CCDC192: variants seen among roughly 807,000 people sequenced by gnomAD.
CCDC192 encodes coiled-coil domain-containing protein 192.
chr5:127,910,855 C>G (rs572961747), intron 6 of CCDC192, among the ~76,000 whole-genome samples: 1 of 152,200 alleles, frequency 6.6e-6, no homozygotes, highest in Admixed American at 6.5e-5. Context: ...GAGAGAGAAG[C>G]ATATTTCCTT....
intron 6 of CCDC192, among the ~76,000 whole-genome samples, chr5:127,886,590 A>G (rs1752567607): frequency 6.6e-6 from 1 of 152,242 alleles, no homozygotes; most frequent in Admixed American, 6.5e-5. Context: ...TTTTCTGAAT[A>G]ACATTTTCTT....
At chr5:127,887,114 G>A (rs1288268406) in intron 6 of CCDC192, among the ~76,000 whole-genome samples, 2 of 152,004 alleles carry the variant, frequency 1.3e-5, no homozygotes, top group African/African-American at 4.8e-5. Flanking sequence ...GATCACTTGA[G>A]GTAGGGAGTT....
At chr5:127,857,182 C>A (rs543056581) in intron 5 of CCDC192, among the ~76,000 whole-genome samples, 9 of 152,324 alleles carry the variant, frequency 5.9e-5, no homozygotes, top group South Asian at 2.1e-4. Context: ...TAACACCCCA[C>A]CTCACATGAA....
At chr5:127,905,687 T>C in intron 6 of CCDC192, among the ~76,000 whole-genome samples, 1 of 152,202 alleles carries the variant, frequency 6.6e-6, no homozygotes, top group East Asian at 1.9e-4. Context: ...AGCCTATGTT[T>C]CTTTTCTAAG....
rs183483632 is a variant in CCDC192, at chr5:127,824,599, A to G, written c.411+26437A>G. 2.8e-3 allele frequency among the ~76,000 whole-genome samples: 428 copies of G among 152,350 alleles called. 1 individual carries two copies. The highest frequency in any genetic ancestry group is 9.0e-3 in the African/African-American group (374 of 41,586). ...CATGGAATTTCACAGACCCAAGGAT[A>G]GAGATACAGCTGGGAAGATTTTGGA... On this transcript the variant is annotated intron_variant, in intron 5 of 6. Transcript: ENST00000514853.
intron 2 of CCDC192, among the ~76,000 whole-genome samples, chr5:127,710,305 A>G (rs1751249341): frequency 6.6e-6 from 1 of 152,164 alleles, no homozygotes; most frequent in Admixed American, 6.5e-5. Flanking sequence ...GCTGTGAACC[A>G]TGAGGAACCG....
At chr5:127,746,531 A>G (rs1391267319) in intron 2 of CCDC192, among the ~76,000 whole-genome samples, 9 of 152,166 alleles carry the variant, frequency 5.9e-5, no homozygotes, top group Non-Finnish European at 1.0e-4. Flanking sequence ...TGGCCTCATG[A>G]CAATTCCCCA....
chr5:127,780,461 T>TCTA (rs1756145563), intron 3 of CCDC192, among the ~76,000 whole-genome samples: 1 of 152,222 alleles, frequency 6.6e-6, no homozygotes, highest in Non-Finnish European at 1.5e-5. Flanking sequence ...TGTTCCCTGA[T>TCTA]CACTGCATCC....
At chr5:127,734,693 T>C (rs1752864861) in intron 2 of CCDC192, among the ~76,000 whole-genome samples, 1 of 147,168 alleles carries the variant, frequency 6.8e-6, no homozygotes, top group African/African-American at 2.5e-5. Flanking sequence ...GTGAGCATTT[T>C]TTCATGTGTT....
chr5:127,867,156 G>A (rs1580772044), intron 5 of CCDC192, among the ~76,000 whole-genome samples: 5 of 152,262 alleles, frequency 3.3e-5, no homozygotes, highest in Admixed American at 3.3e-4. Flanking sequence ...CTCTAAAGGT[G>A]AATTAAGTAC....
intron 2 of CCDC192, among the ~76,000 whole-genome samples, chr5:127,744,090 T>G: frequency 9.0e-6 from 1 of 110,848 alleles, no homozygotes; most frequent in Non-Finnish European, 1.8e-5. Flanking sequence ...CGAGACTCCG[T>G]CTCAAAAAAA....
chr5:127,821,922 A>G (rs1160773490), intron 5 of CCDC192, among the ~76,000 whole-genome samples: 1 of 152,118 alleles, frequency 6.6e-6, no homozygotes. Context: ...TAAATATCTC[A>G]CAAGCTCTAT....
intron 3 of CCDC192, among the ~76,000 whole-genome samples, chr5:127,784,021 A>G (rs779754081): frequency 8.5e-5 from 13 of 152,152 alleles, no homozygotes; most frequent in African/African-American, 1.4e-4. Flanking sequence ...AGTTTATGAG[A>G]GTCCTTATGT....
upstream of CCDC192, among the ~76,000 whole-genome samples, chr5:127,702,816 G>A (rs1469784834): frequency 6.6e-6 from 1 of 152,216 alleles, no homozygotes; most frequent in African/African-American, 2.4e-5. Flanking sequence ...CAACTGGCTG[G>A]GAGAAAGTAG....
chr5:127,782,006 TG>T (rs1180075981), intron 3 of CCDC192, among the ~76,000 whole-genome samples: 1 of 152,152 alleles, frequency 6.6e-6, no homozygotes, highest in Non-Finnish European at 1.5e-5. Context: ...GTGTATCCCT[TG>T]TATGCTGATT....
intron 6 of CCDC192, among the ~76,000 whole-genome samples, chr5:127,934,892 C>A (rs571102482): frequency 2.2e-4 from 34 of 152,256 alleles, no homozygotes; most frequent in African/African-American, 6.5e-4. Context: ...ACTTTCAAAA[C>A]CAGCCCCATA....
At chr5:127,816,616 T>C (rs1200730690) in intron 5 of CCDC192, among the ~76,000 whole-genome samples, 1 of 152,196 alleles carries the variant, frequency 6.6e-6, no homozygotes, top group Non-Finnish European at 1.5e-5. Context: ...TACCTCTGGC[T>C]CTGTGCACTG....
chr5:127,927,914 C>T (rs1580836241), intron 6 of CCDC192, among the ~76,000 whole-genome samples: 1 of 150,010 alleles, frequency 6.7e-6, no homozygotes, highest in Non-Finnish European at 1.5e-5. Flanking sequence ...CTTAAAATGA[C>T]ACAAACTTGT....
At chr5:127,876,430 G>A (rs1454110308) in intron 6 of CCDC192, among the ~76,000 whole-genome samples, 1 of 152,154 alleles carries the variant, frequency 6.6e-6, no homozygotes, top group East Asian at 1.9e-4. Context: ...TTAGAGATGT[G>A]TGTTACCTTG....
Sources: gnomAD v4.1 joint callset for allele counts (sites outside exome capture counted in the v4.1 genomes callset) on GRCh38, gnomAD v4.1.1 for gene constraint, MANE v1.5 for transcripts, NCBI Gene and HGNC (gene_info 2026-07-23, HGNC 2026-07-21) for gene names.